CSMD1: variants seen among roughly 807,000 people sequenced by gnomAD.
CSMD1 encodes CUB and sushi domain-containing protein 1.
CSMD1 carries 213 observed loss-of-function variants against 417.5 expected under a neutral mutation model. That is an observed-to-expected ratio of 0.51 (90% CI 0.46 to 0.57). CSMD1 has a LOEUF of 0.57. Among genes scored for constraint, CSMD1 ranks in the 20% least tolerant of loss-of-function variants. CSMD1 has a pLI of 0.00. For missense variants in CSMD1, 6,923 were observed against 4,529.7 expected, an observed-to-expected ratio of 1.53 and a Z score of -15.17; for synonymous variants, 2,862 against 1,736.8, an observed-to-expected ratio of 1.65 and a Z score of -16.11.
intron 1 of CSMD1, among the ~76,000 whole-genome samples, chr8:4,992,333 G>A (rs937588880): frequency 6.6e-5 from 10 of 152,212 alleles, no homozygotes; most frequent in African/African-American, 2.4e-4. Flanking sequence ...AGCTAGGGCC[G>A]CCGCGGTCTC....
chr8:4,047,832 T>C (rs1008453008), intron 3 of CSMD1, among the ~76,000 whole-genome samples: 1 of 152,046 alleles, frequency 6.6e-6, no homozygotes, highest in Non-Finnish European at 1.5e-5. Flanking sequence ...GAAAGTGGCA[T>C]TGAAAAAAAA....
At chr8:4,788,567 A>C (rs1797530779) in intron 1 of CSMD1, 17 of 1,352,640 alleles carry the variant, frequency 1.3e-5, no homozygotes, top group Non-Finnish European at 1.6e-5. Context: ...TGACAAGAAA[A>C]TCAGAGAATG....
rs188248705 is a variant in CSMD1 at position 3,725,520 on chromosome 8, G to C, written c.932-17029C>G. Among the ~76,000 whole-genome samples, 174 of 152,314 alleles carry C rather than the reference G, an allele frequency of 1.1e-3. 1 individual carries two copies. Among genetic ancestry groups the C allele is most frequent in the African/African-American group, 4.0e-3 (166 of 41,566 alleles). ...TATGAATGTGTATGTGTGTGTGTATGTGTATGTGGGTTTGTGTCCCTCCCA... is the reference window on the plus strand; with the variant it reads ...TATGAATGTGTATGTGTGTGTGTATCTGTATGTGGGTTTGTGTCCCTCCCA... On this transcript the variant is annotated intron_variant, in intron 6 of 69. Coordinates refer to ENST00000635120, the MANE Select transcript of CSMD1 (RefSeq NM_033225.6).
At chr8:4,540,529 C>T (rs76555327) in intron 2 of CSMD1, among the ~76,000 whole-genome samples, 2,085 of 152,134 alleles carry the variant, frequency 0.014, 48 homozygotes, top group East Asian at 0.086. Context: ...CAGAGCGAGA[C>T]CTCATCTGAA....
At chr8:3,411,203 G>A (rs1218041532) in intron 12 of CSMD1, among the ~76,000 whole-genome samples, 1 of 152,162 alleles carries the variant, frequency 6.6e-6, no homozygotes, top group South Asian at 2.1e-4. Flanking sequence ...GGTGAAAAGT[G>A]AGTCCCAGGA....
intron 69 of CSMD1, among the ~76,000 whole-genome samples, chr8:2,940,905 A>G (rs1295021044): frequency 1.3e-5 from 2 of 152,196 alleles, no homozygotes; most frequent in Non-Finnish European, 2.9e-5. Context: ...TGTCTCTATA[A>G]GGATATTATA....
At position 4,326,089 on chromosome 8, in the gene CSMD1, C is replaced by G. The variant is rs143143863; in HGVS notation, c.415+93864G>C. On this transcript the variant is annotated intron_variant, in intron 3 of 69. Transcript: ENST00000635120. The stretch of plus-strand genomic sequence containing the variant: ...CTAGCATTCATCAGCATTACCAGAA[C>G]GGAGTGGTAAATCAGAGCTCAGGGC... Among the ~76,000 whole-genome samples the G allele has an allele frequency of 2.3e-4, 35 of 152,254 alleles. No individual in the cohort carries two copies. In the East Asian group the frequency reaches 6.8e-3, roughly 29 times the overall value.
chr8:4,836,717 G>C (rs184581988), intron 1 of CSMD1, among the ~76,000 whole-genome samples: 2 of 152,018 alleles, frequency 1.3e-5, no homozygotes, highest in Admixed American at 6.5e-5. Flanking sequence ...ATGGAGCAAA[G>C]AAGTCACAAG....
At chr8:3,430,689 C>A (rs941997152) in intron 12 of CSMD1, among the ~76,000 whole-genome samples, 2 of 152,030 alleles carry the variant, frequency 1.3e-5, no homozygotes, top group Admixed American at 1.3e-4. Flanking sequence ...TGCCTGTAAT[C>A]CCAGCTACTC....
chr8:4,452,576 T>G (rs953192704), intron 2 of CSMD1, among the ~76,000 whole-genome samples: 7 of 152,298 alleles, frequency 4.6e-5, no homozygotes, highest in Admixed American at 6.5e-5. Context: ...TCAAGAATAT[T>G]AAACATCAGA....
intron 2 of CSMD1, among the ~76,000 whole-genome samples, chr8:4,437,263 A>T (rs1051148933): frequency 2.6e-5 from 4 of 152,230 alleles, no homozygotes; most frequent in African/African-American, 9.6e-5. Context: ...CAGTAGAGAA[A>T]AGTAAACTTC....
At chr8:3,283,659 AAGC>A (rs1254487489) in intron 26 of CSMD1, among the ~76,000 whole-genome samples, 2 of 152,150 alleles carry the variant, frequency 1.3e-5, no homozygotes, top group Admixed American at 1.3e-4. Flanking sequence ...CCTTCCTTGG[AAGC>A]AGGTCATGAA....
At chr8:3,596,054 G>C (rs112654723) in intron 8 of CSMD1, among the ~76,000 whole-genome samples, 19 of 152,024 alleles carry the variant, frequency 1.2e-4, no homozygotes, top group African/African-American at 4.3e-4. Context: ...TTTCCACGTG[G>C]GCTTAGGAAG....
At chr8:4,050,166 A>T (rs1798349682) in intron 3 of CSMD1, among the ~76,000 whole-genome samples, 1 of 152,120 alleles carries the variant, frequency 6.6e-6, no homozygotes, top group South Asian at 2.1e-4. Context: ...ACGCATCATC[A>T]GTGGGACTTC....
At chr8:3,745,688 T>A (rs998719125) in intron 6 of CSMD1, among the ~76,000 whole-genome samples, 1 of 152,234 alleles carries the variant, frequency 6.6e-6, no homozygotes, top group Non-Finnish European at 1.5e-5. Flanking sequence ...AGGCAGCTGC[T>A]GGAGTAAGGA....
At chr8:3,124,155 A>T (rs1330244443) in intron 41 of CSMD1, among the ~76,000 whole-genome samples, 1 of 150,778 alleles carries the variant, frequency 6.6e-6, no homozygotes, top group Non-Finnish European at 1.5e-5. Flanking sequence ...GGGAGGGGGG[A>T]GCAGATTAGC....
At chr8:3,782,350 G>C (rs1376961902) in intron 5 of CSMD1, among the ~76,000 whole-genome samples, 1 of 152,042 alleles carries the variant, frequency 6.6e-6, no homozygotes, top group African/African-American at 2.4e-5. Context: ...TGTTCAAAAA[G>C]GGAACTCCGG....
chr8:4,711,289 A>G (rs1198213611), intron 1 of CSMD1, among the ~76,000 whole-genome samples: 2 of 152,096 alleles, frequency 1.3e-5, no homozygotes, highest in Admixed American at 1.3e-4. Flanking sequence ...TGTTTAGGTC[A>G]TTTTCTATTT....
intron 1 of CSMD1, among the ~76,000 whole-genome samples, chr8:4,699,422 C>G (rs371621466): frequency 2.0e-5 from 3 of 152,140 alleles, no homozygotes; most frequent in Non-Finnish European, 4.4e-5. Context: ...AATGCCTGTT[C>G]TATTGTCAAG....
Sources: allele counts gnomAD v4.1 joint callset (sites outside exome capture counted in the v4.1 genomes callset), GRCh38; gene constraint gnomAD v4.1.1; transcripts MANE v1.5; gene names NCBI Gene and HGNC (gene_info 2026-07-23, HGNC 2026-07-21).